The following MTSS1 variants were observed in gnomAD, a reference collection of about 807,000 sequenced individuals.
MTSS1 encodes the protein protein MTSS 1.
MTSS1 carries 18 observed loss-of-function variants against 79.0 expected under a neutral mutation model. That is an observed-to-expected ratio of 0.23 (90% confidence interval 0.16 to 0.34). MTSS1 has a LOEUF of 0.34. Ranked by LOEUF, MTSS1 falls within the 10% of genes least tolerant of loss-of-function variation. The pLI, the probability that MTSS1 is intolerant of heterozygous loss-of-function variation, is 1.00. For synonymous variants in MTSS1, 341 were observed against 368.6 expected (o/e 0.93, Z 0.86); for missense variants, 815 against 986.2 (o/e 0.83, Z 2.33).
chr8:124,620,638 A>C (rs1036016748), intron 3 of MTSS1, among the ~76,000 whole-genome samples: 1 of 152,196 alleles, frequency 6.6e-6, no homozygotes, highest in Non-Finnish European at 1.5e-5. Context: ...GAGTCACCTA[A>C]AAAGCTAATT....
Position 124,699,548 on chromosome 8 carries a change from A to G in MTSS1, c.186T>C (p.Ala62=), listed in dbSNP as rs140625723. The G allele has an allele frequency of 6.0e-3, 9,621 of 1,614,172 alleles. 46 individuals are homozygous for G. The highest frequency in any genetic ancestry group is 7.1e-3 in the Admixed American group (429 of 60,034). Residue 62 remains alanine (A), a synonymous_variant, in exon 3 of 14, where the codon GCT becomes GCC. Coordinates refer to ENST00000518547, the MANE Select transcript of MTSS1 (RefSeq NM_014751.6). ...AAFLDAFQKV[A]DMATNTRGGT... ...TACCACGTGTGTTGGTGGCCATGTC[A>G]GCCACTTTCTGAAAGGCGTCCAAGA...
intron 3 of MTSS1, among the ~76,000 whole-genome samples, chr8:124,681,108 C>A (rs1199466296): frequency 6.6e-6 from 1 of 151,660 alleles, no homozygotes; most frequent in African/African-American, 2.4e-5. Flanking sequence ...AGGAAAATTA[C>A]AGAGCTCAGC....
chr8:124,598,550 C>T (rs1383474846), intron 3 of MTSS1, among the ~76,000 whole-genome samples: 2 of 152,178 alleles, frequency 1.3e-5, no homozygotes, highest in African/African-American at 4.8e-5. Context: ...GCACCAGTGG[C>T]CTCCCCGCAA....
chr8:124,701,708 T>C (rs974369402), intron 2 of MTSS1, among the ~76,000 whole-genome samples: 2 of 152,184 alleles, frequency 1.3e-5, no homozygotes, highest in Non-Finnish European at 1.5e-5. Context: ...ATTAGGCGGG[T>C]GATCAAGTTT....
At chr8:124,574,308 T>C (rs971428607) in intron 6 of MTSS1, among the ~76,000 whole-genome samples, 1 of 151,764 alleles carries the variant, frequency 6.6e-6, no homozygotes, top group African/African-American at 2.4e-5. Context: ...ATAAAGATCC[T>C]GTATCAACTT....
At chr8:124,623,830 G>A (rs754928572) in intron 3 of MTSS1, among the ~76,000 whole-genome samples, 7 of 152,172 alleles carry the variant, frequency 4.6e-5, no homozygotes, top group Middle Eastern at 3.2e-3. Flanking sequence ...AGTAGAGACC[G>A]GGTTTCACTA....
intron 5 of MTSS1, 46 bp from the exon 6 acceptor site, chr8:124,585,207 A>AG: frequency 7.0e-7 from 1 of 1,420,764 alleles, no homozygotes; most frequent in Non-Finnish European, 9.8e-7. Context: ...TTTGCTTAAC[A>AG]GAAAATATGT....
chr8:124,600,339 GCAAA>G (rs1185576326), intron 3 of MTSS1, among the ~76,000 whole-genome samples: 12 of 152,150 alleles, frequency 7.9e-5, no homozygotes, highest in Non-Finnish European at 1.3e-4. Context: ...CATTCACACT[GCAAA>G]CATTTACATA....
intron 3 of MTSS1, 83 bp downstream of exon 3, chr8:124,699,443 G>A: frequency 3.2e-6 from 4 of 1,243,686 alleles, no homozygotes; most frequent in South Asian, 1.2e-5. Context: ...AACTTAAGCT[G>A]CATCTTCTTG....
intron 12 of MTSS1, 96 bp from the exon 13 acceptor site, chr8:124,556,000 C>T: frequency 3.2e-6 from 5 of 1,556,090 alleles, no homozygotes; most frequent in South Asian, 1.2e-5. Flanking sequence ...GTCTGTGGGG[C>T]CAGGGGGCTA....
intron 3 of MTSS1, among the ~76,000 whole-genome samples, chr8:124,631,927 G>C (rs76922802): frequency 0.028 from 4,260 of 152,256 alleles, 173 homozygotes; most frequent in African/African-American, 0.097. Flanking sequence ...GCCTGCTGCT[G>C]ATGATGGTGG....
chr8:124,690,676 C>G (rs1827797061), intron 3 of MTSS1, among the ~76,000 whole-genome samples: 3 of 152,146 alleles, frequency 2.0e-5, no homozygotes, highest in Non-Finnish European at 2.9e-5. Context: ...TGTCGCCAGG[C>G]ATCAGTTTTT....
chr8:124,564,548 G>A (rs898184578), intron 9 of MTSS1, among the ~76,000 whole-genome samples: 8 of 152,084 alleles, frequency 5.3e-5, no homozygotes, highest in Admixed American at 1.3e-4. Context: ...ACTCCACCCC[G>A]GCAGCCTCAG....
At chr8:124,660,796 C>T (rs1821898467) in intron 3 of MTSS1, among the ~76,000 whole-genome samples, 2 of 152,182 alleles carry the variant, frequency 1.3e-5, no homozygotes, top group Admixed American at 1.3e-4. Context: ...CTCTCCCATG[C>T]CTCTCTTCCT....
chr8:124,633,270 T>G (rs1175203943), intron 3 of MTSS1, among the ~76,000 whole-genome samples: 2 of 152,030 alleles, frequency 1.3e-5, no homozygotes, highest in Non-Finnish European at 2.9e-5. Context: ...TAATTTTATG[T>G]TTGGTCAAAA....
chr8:124,676,818 C>T (rs1252543290), intron 3 of MTSS1, among the ~76,000 whole-genome samples: 1 of 152,110 alleles, frequency 6.6e-6, no homozygotes, highest in African/African-American at 2.4e-5. Flanking sequence ...CCTTAGGAGC[C>T]AGGCCTGCCA....
At chr8:124,668,130 G>C (rs921774109) in intron 3 of MTSS1, among the ~76,000 whole-genome samples, 1 of 152,116 alleles carries the variant, frequency 6.6e-6, no homozygotes, top group African/African-American at 2.4e-5. Flanking sequence ...CCACCGCTGG[G>C]CTCTAAAACC....
rs562754416 is a variant in MTSS1, at chr8:124,557,032, TC to T, written c.1231-628del. On this transcript the variant is annotated intron_variant, in intron 11 of 13. Coordinates refer to ENST00000518547, the MANE Select transcript of MTSS1 (RefSeq NM_014751.6). ...AAGGGGCCTACTTTTCAAATTAGGG[TC>T]CTCCTCTCAAAAGAGAGCAGATTAT... Among the ~76,000 whole-genome samples, 161 of 152,266 alleles carry T rather than the reference TC, an allele frequency of 1.1e-3. 1 individual carries two copies. Among genetic ancestry groups the T allele is most frequent in the African/African-American group, 3.8e-3 (157 of 41,548 alleles).
chr8:124,619,957 C>CTT (rs1197105017), intron 3 of MTSS1, among the ~76,000 whole-genome samples: 3 of 149,986 alleles, frequency 2.0e-5, no homozygotes, highest in Non-Finnish European at 3.0e-5. Context: ...CTTTTCTTTT[C>CTT]TTTTCTTTTT....
Sources: allele counts gnomAD v4.1 joint callset (sites outside exome capture counted in the v4.1 genomes callset), GRCh38; gene constraint gnomAD v4.1.1; transcripts MANE v1.5; gene names NCBI Gene and HGNC (gene_info 2026-07-23, HGNC 2026-07-21).